The following NALF1 variants were observed in gnomAD, a reference collection of about 807,000 sequenced individuals.
The protein encoded by NALF1 is family with sequence similarity 155 member A.
A neutral mutation model predicts 48.4 loss-of-function variants in NALF1; 3 were observed. The ratio of observed to expected loss-of-function variants is 0.06; its 90% CI spans 0.03 to 0.16. The LOEUF is 0.16. NALF1 is among the 10% of genes least tolerant of loss of function. NALF1 has a pLI of 1.00. For synonymous variants in NALF1, 262 were observed against 245.7 expected (o/e 1.07, Z -0.62); for missense variants, 526 against 571.5 (o/e 0.92, Z 0.81).
At chr13:107,282,839 C>T (rs1040557589) in intron 1 of NALF1, among the ~76,000 whole-genome samples, 3 of 152,160 alleles carry the variant, frequency 2.0e-5, no homozygotes, top group South Asian at 2.1e-4. Context: ...ATCTACTTCC[C>T]AAATCCTCTT....
chr13:107,538,148 C>T (rs1327943164), intron 1 of NALF1, among the ~76,000 whole-genome samples: 1 of 152,136 alleles, frequency 6.6e-6, no homozygotes, highest in Admixed American at 6.6e-5. Context: ...TGATTGAAGA[C>T]CACAATTGAC....
chr13:107,384,007 G>A (rs1381895780), intron 1 of NALF1, among the ~76,000 whole-genome samples: 2 of 152,154 alleles, frequency 1.3e-5, no homozygotes, highest in African/African-American at 4.8e-5. Context: ...CCAGCACTTT[G>A]GGAGGCTGAG....
At chr13:107,347,960 G>C (rs1882804088) in intron 1 of NALF1, among the ~76,000 whole-genome samples, 1 of 152,176 alleles carries the variant, frequency 6.6e-6, no homozygotes, top group Non-Finnish European at 1.5e-5. Context: ...GGTCTCGCTT[G>C]TCACACCTCT....
Position 107,239,956 on chromosome 13 carries a change from G to T in NALF1, c.916-29201C>A, listed in dbSNP as rs531932371. On this transcript the variant is annotated intron_variant, in intron 1 of 2. Coordinates refer to ENST00000375915, the MANE Select transcript of NALF1 (RefSeq NM_001080396.3). ...GCATCATGGTGGTCAAAGACACCTG[G>T]AGATTTCTAAATTTCTGAATTTTAA... Among the ~76,000 whole-genome samples the T allele has an allele frequency of 2.6e-3, 398 of 152,266 alleles. 2 individuals carry two copies. Among genetic ancestry groups the T allele is most frequent in the African/African-American group, 9.3e-3 (385 of 41,546 alleles).
chr13:107,586,594 C>T (rs1405570402), intron 1 of NALF1, among the ~76,000 whole-genome samples: 1 of 145,366 alleles, frequency 6.9e-6, no homozygotes, highest in Non-Finnish European at 1.5e-5. Flanking sequence ...AAAGTAATCA[C>T]TCAGAGATCT....
chr13:107,271,862 C>A (rs1308648312), intron 1 of NALF1, among the ~76,000 whole-genome samples: 1 of 142,954 alleles, frequency 7.0e-6, no homozygotes, highest in Non-Finnish European at 1.5e-5. Flanking sequence ...AATTTCAAAC[C>A]TAAGCTTCAT....
At chr13:107,730,585 A>C (rs1876283759) in intron 1 of NALF1, among the ~76,000 whole-genome samples, 1 of 152,210 alleles carries the variant, frequency 6.6e-6, no homozygotes, top group African/African-American at 2.4e-5. Flanking sequence ...TTTTCTAAGA[A>C]GACATTCAGT....
rs1213037512 is a variant in NALF1 at position 107,557,684 on chromosome 13, G to C, written c.915+307998C>G. Among the ~76,000 whole-genome samples the C allele has an allele frequency of 3.3e-5, 5 of 152,170 alleles. No individual in the cohort carries two copies. The East Asian group carries it at 9.7e-4, about 30-fold the overall frequency. ...TGGAAGAAAACACATTTTGTGGAAA[G>C]GAACACTCAGACCCAGAAAGTTTCG... is the stretch of plus-strand genomic sequence containing the variant. On this transcript the variant is annotated intron_variant, in intron 1 of 2. Transcript: ENST00000375915.
At chr13:107,340,475 T>TTCTTCTC (rs1566489724) in intron 1 of NALF1, among the ~76,000 whole-genome samples, 683 of 52,286 alleles carry the variant, frequency 0.013, 6 homozygotes, top group African/African-American at 0.022. Context: ...TCTTCTCTCT[T>TTCTTCTC]TCTTTCTTTC....
At chr13:107,285,818 T>C (rs1566474730) in intron 1 of NALF1, among the ~76,000 whole-genome samples, 1 of 151,846 alleles carries the variant, frequency 6.6e-6, no homozygotes, top group African/African-American at 2.4e-5. Flanking sequence ...AGTCAAAGAT[T>C]CCTAGAAATA....
At chr13:107,633,980 T>C (rs1442312242) in intron 1 of NALF1, among the ~76,000 whole-genome samples, 2 of 95,666 alleles carry the variant, frequency 2.1e-5, no homozygotes, top group East Asian at 6.5e-3. Context: ...CATCCTGTTT[T>C]ACCAAATTGA....
At chr13:107,734,018 T>C (rs898118199) in intron 1 of NALF1, among the ~76,000 whole-genome samples, 1 of 152,198 alleles carries the variant, frequency 6.6e-6, no homozygotes, top group Non-Finnish European at 1.5e-5. Context: ...GTACTGAATA[T>C]GTTAGGCAAC....
At chr13:107,764,459 G>A (rs1877367524) in intron 1 of NALF1, among the ~76,000 whole-genome samples, 2 of 152,100 alleles carry the variant, frequency 1.3e-5, no homozygotes, top group Admixed American at 6.6e-5. Flanking sequence ...GCGTACGTAT[G>A]TAGACAGAGA....
intron 1 of NALF1, among the ~76,000 whole-genome samples, chr13:107,408,133 G>C (rs1305346627): frequency 6.6e-6 from 1 of 151,994 alleles, no homozygotes; most frequent in Non-Finnish European, 1.5e-5. Flanking sequence ...GGAGTGCACA[G>C]GGGACAAGTA....
chr13:107,757,210 T>A (rs191090077), intron 1 of NALF1, among the ~76,000 whole-genome samples: 13 of 152,112 alleles, frequency 8.5e-5, no homozygotes, highest in African/African-American at 2.4e-5. Flanking sequence ...AAGTGTATGA[T>A]ATATCTGGCA....
At chr13:107,552,882 T>C (rs2138385610) in intron 1 of NALF1, among the ~76,000 whole-genome samples, 1 of 152,222 alleles carries the variant, frequency 6.6e-6, no homozygotes, top group African/African-American at 2.4e-5. Context: ...TTATATAATA[T>C]TAAAATATTG....
At chr13:107,365,091 T>C (rs901284089) in intron 1 of NALF1, among the ~76,000 whole-genome samples, 5 of 146,088 alleles carry the variant, frequency 3.4e-5, no homozygotes, top group African/African-American at 1.3e-4. Context: ...CTTCTCTTCC[T>C]CCTCTACCTC....
At chr13:107,306,264 C>T (rs1376268200) in intron 1 of NALF1, among the ~76,000 whole-genome samples, 4 of 152,234 alleles carry the variant, frequency 2.6e-5, no homozygotes, top group South Asian at 2.1e-4. Context: ...TTGACATGAT[C>T]GCTGTTGGAC....
At chr13:107,759,754 T>C (rs1386864156) in intron 1 of NALF1, among the ~76,000 whole-genome samples, 1 of 150,026 alleles carries the variant, frequency 6.7e-6, no homozygotes, top group Non-Finnish European at 1.5e-5. Context: ...TATCTTCAAA[T>C]GGCATTTACT....
Sources: allele counts gnomAD v4.1 joint callset (sites outside exome capture counted in the v4.1 genomes callset), GRCh38; gene constraint gnomAD v4.1.1; transcripts MANE v1.5; gene names NCBI Gene and HGNC (gene_info 2026-07-23, HGNC 2026-07-21).